The following LDLRAD4 variants were observed in gnomAD, a reference collection of about 807,000 sequenced individuals.
The protein encoded by LDLRAD4 is low-density lipoprotein receptor class A domain-containing protein 4.
In LDLRAD4, 5 loss-of-function variants were observed where a neutral mutation model predicts 17.0. The observed-to-expected ratio is 0.29, with a 90% CI of 0.15 to 0.62. The LOEUF is 0.62. Ranked by LOEUF, LDLRAD4 falls within the 20% of genes least tolerant of loss-of-function variation. The probability of loss-of-function intolerance (pLI) is 0.84; values close to 1 mark genes in which losing one functional copy is unlikely to be tolerated. For synonymous variants in LDLRAD4, 168 were observed against 171.8 expected, an observed-to-expected ratio of 0.98 and a Z score of 0.17; for missense variants, 340 against 424.7, an observed-to-expected ratio of 0.80 and a Z score of 1.75.
At chr18:13,541,738 T>C (rs1355206129) in intron 3 of LDLRAD4, among the ~76,000 whole-genome samples, 1 of 151,980 alleles carries the variant, frequency 6.6e-6, no homozygotes, top group African/African-American at 2.4e-5. Context: ...GTGTGAGGAG[T>C]TTAGCACACT....
intron 3 of LDLRAD4, among the ~76,000 whole-genome samples, chr18:13,574,192 A>T (rs2094733908): frequency 6.6e-6 from 1 of 152,178 alleles, no homozygotes. Context: ...ATCAAATTTA[A>T]TAGTGGATGT....
At chr18:13,642,711 A>C in intron 4 of LDLRAD4, 6 of 1,231,614 alleles carry the variant, frequency 4.9e-6, no homozygotes, top group Non-Finnish European at 6.1e-6. Context: ...TCGGGCGGCC[A>C]CTGAATGCGG....
intron 3 of LDLRAD4, among the ~76,000 whole-genome samples, chr18:13,573,235 G>C (rs2094718021): frequency 6.6e-6 from 1 of 152,188 alleles, no homozygotes; most frequent in Non-Finnish European, 1.5e-5. Flanking sequence ...CTCTTAAGTA[G>C]CTGGGATTAC....
Position 13,221,572 on chromosome 18 carries a change from T to C in LDLRAD4, c.-467+2584T>C, listed in dbSNP as rs962250714. Among the ~76,000 whole-genome samples the C allele has an allele frequency of 1.1e-4, 17 of 152,358 alleles. No homozygotes were observed. The East Asian group carries it at 3.3e-3, about 29-fold the overall frequency. On this transcript the variant is annotated intron_variant, in intron 1 of 5. Coordinates refer to the LDLRAD4 transcript ENST00000399848. ...GGGACATTTTTTGGGGGGCATTGTT[T>C]GCTTCATTGTTAGGCAGAGAAAGGA... is the stretch of plus-strand genomic sequence containing the variant.
At chr18:13,492,826 G>A (rs892563162) in intron 3 of LDLRAD4, among the ~76,000 whole-genome samples, 1 of 152,192 alleles carries the variant, frequency 6.6e-6, no homozygotes, top group African/African-American at 2.4e-5. Context: ...TTGAAAATGA[G>A]TGTGGCAAAT....
intron 3 of LDLRAD4, among the ~76,000 whole-genome samples, chr18:13,532,141 A>G (rs1195335723): frequency 2.0e-5 from 3 of 152,218 alleles, no homozygotes; most frequent in Admixed American, 6.5e-5. Flanking sequence ...TCAGAGCTGC[A>G]GAGGCAGCTG....
rs144458979 is a variant in LDLRAD4, at chr18:13,604,446, C to T, written c.182-16671C>T. On this transcript the variant is annotated intron_variant, in intron 3 of 5. Transcript: ENST00000359446. The stretch of plus-strand genomic sequence containing the variant: ...CATATACTGCGTGTGTGCAAGAATG[C>T]GTGACATTTGCCTGGATTAAGGAGC... Among the ~76,000 whole-genome samples the T allele has an allele frequency of 4.4e-3, 664 of 152,268 alleles. 3 individuals carry two copies. The highest frequency in any genetic ancestry group is 0.015 in the African/African-American group (613 of 41,546).
At chr18:13,350,880 A>G (rs1429721790) in intron 1 of LDLRAD4, among the ~76,000 whole-genome samples, 1 of 152,230 alleles carries the variant, frequency 6.6e-6, no homozygotes, top group Non-Finnish European at 1.5e-5. Flanking sequence ...CATTTATTAA[A>G]TAGGGAATCC....
intron 4 of LDLRAD4, 90 bp from the exon 6 acceptor site, chr18:13,643,269 A>G: frequency 1.2e-6 from 1 of 818,440 alleles, no homozygotes; most frequent in Non-Finnish European, 1.9e-6. Flanking sequence ...CGTTTCCAGA[A>G]GTTGTGCTTC....
intron 3 of LDLRAD4, 132 bp downstream of exon 4, chr18:13,438,516 A>G (rs1375600349): frequency 1.4e-6 from 1 of 736,878 alleles, no homozygotes; most frequent in Admixed American, 2.4e-5. Flanking sequence ...CACAAAGGAA[A>G]TGTTTTCTTC....
chr18:13,315,783 TAA>T (rs78099800), intron 1 of LDLRAD4, among the ~76,000 whole-genome samples: 37 of 85,844 alleles, frequency 4.3e-4, no homozygotes, highest in Middle Eastern at 7.2e-3. Flanking sequence ...AAACTCCGTC[TAA>T]AAAAAAAAAA....
At chr18:13,393,699 T>A (rs1235248906) in intron 2 of LDLRAD4, among the ~76,000 whole-genome samples, 2 of 152,152 alleles carry the variant, frequency 1.3e-5, no homozygotes, top group African/African-American at 4.8e-5. Flanking sequence ...AGTGATAAGT[T>A]TCCCTTGCCC....
chr18:13,400,228 A>G (rs8098305), intron 2 of LDLRAD4, among the ~76,000 whole-genome samples: 2,525 of 152,338 alleles, frequency 0.017, 69 homozygotes, highest in African/African-American at 0.059. Flanking sequence ...CATGTCACAT[A>G]CACTTGCACA....
chr18:13,282,686 G>C (rs931631569), intron 1 of LDLRAD4, among the ~76,000 whole-genome samples: 5 of 152,180 alleles, frequency 3.3e-5, no homozygotes, highest in Non-Finnish European at 7.3e-5. Flanking sequence ...GGCATTGAGT[G>C]TCTGTGTCTT....
At chr18:13,442,619 C>G (rs1012836613) in intron 3 of LDLRAD4, among the ~76,000 whole-genome samples, 1 of 152,204 alleles carries the variant, frequency 6.6e-6, no homozygotes, top group African/African-American at 2.4e-5. Flanking sequence ...CGGCCGGCTG[C>G]GGGGAGCCTG....
intron 1 of LDLRAD4, among the ~76,000 whole-genome samples, chr18:13,376,265 A>C (rs548506615): frequency 6.6e-6 from 1 of 152,344 alleles, no homozygotes; most frequent in South Asian, 2.1e-4. Flanking sequence ...GGAAGGGAAT[A>C]AATAAGGGCC....
chr18:13,648,931 T>G (rs1037965358), exon 6 of LDLRAD4: 6 of 152,148 alleles, frequency 3.9e-5, no homozygotes, highest in African/African-American at 1.4e-4. Flanking sequence ...GGAAAAGAGA[T>G]TTCATGAAGC....
In LDLRAD4 at chr18:13,645,661, C is replaced by G. The variant is rs373602341; in HGVS notation, c.*4C>G. On this transcript the variant is annotated 3_prime_UTR_variant, in exon 6 of 6. Transcript: ENST00000359446. The surrounding 1 kb of genome is among the most constrained non-coding windows in gnomAD (Gnocchi z 5.7). The stretch of plus-strand genomic sequence containing the variant: ...GAAGCCTGGGAACCTGGTCTGATTC[C>G]TTCCAACGTGCACTTCAGCTGGAGA... The G allele has an allele frequency of 9.3e-6, 14 of 1,506,858 alleles. No individual in the cohort carries two copies. The highest frequency in any genetic ancestry group is 1.4e-5 in the African/African-American group (1 of 71,508). The allele number at this position is 1,506,858 out of a possible 1,614,324, so 93.3% of individuals were successfully genotyped here. A position where few individuals can be genotyped will look rare whatever the true frequency, so the allele number is the denominator to read the frequency against.
At chr18:13,498,312 C>CA (rs1249955595) in intron 3 of LDLRAD4, among the ~76,000 whole-genome samples, 2 of 18,844 alleles carry the variant, frequency 1.1e-4, no homozygotes, top group South Asian at 4.5e-3. Context: ...ATCCTTCTGC[C>CA]CACACACGTC....
Sources: gnomAD v4.1 joint callset for allele counts (sites outside exome capture counted in the v4.1 genomes callset) on GRCh38, gnomAD v4.1.1 for gene constraint, Gnocchi (gnomAD v3.1) non-coding constraint, MANE v1.5 for transcripts, NCBI Gene and HGNC (gene_info 2026-07-23, HGNC 2026-07-21) for gene names.